SCAPER: variants seen among roughly 807,000 people sequenced by gnomAD.
The protein encoded by SCAPER is S phase cyclin A-associated protein in the endoplasmic reticulum.
SCAPER carries 98 observed loss-of-function variants against 182.2 expected under a neutral mutation model. The observed-to-expected ratio is 0.54, with a 90% CI of 0.46 to 0.64. The LOEUF is 0.64. Among genes scored for constraint, SCAPER ranks in the 30% least tolerant of loss-of-function variants. The probability of loss-of-function intolerance (pLI) is 0.00; values close to 1 mark genes in which losing one functional copy is unlikely to be tolerated. For synonymous variants in SCAPER, 605 were observed against 564.6 expected, an observed-to-expected ratio of 1.07 and a Z score of -1.01; for missense variants, 1,432 against 1,690.0, an observed-to-expected ratio of 0.85 and a Z score of 2.68.
At chr15:76,536,939 C>T (rs2044220621) in intron 23 of SCAPER, among the ~76,000 whole-genome samples, 1 of 151,276 alleles carries the variant, frequency 6.6e-6, no homozygotes, top group African/African-American at 2.4e-5. Flanking sequence ...AAACAGAGAG[C>T]CAAATCATGA....
At chr15:76,661,248 C>T (rs1017137523) in intron 21 of SCAPER, among the ~76,000 whole-genome samples, 1 of 152,054 alleles carries the variant, frequency 6.6e-6, no homozygotes, top group African/African-American at 2.4e-5. Context: ...AGAGGCAGTA[C>T]CTTTCAGGAT....
At chr15:76,698,522 C>T (rs2058767551) in intron 20 of SCAPER, among the ~76,000 whole-genome samples, 1 of 152,058 alleles carries the variant, frequency 6.6e-6, no homozygotes, top group South Asian at 2.1e-4. Context: ...ACTATGATGC[C>T]TAAAAAAATG....
At chr15:76,396,019 G>A (rs999206586) in intron 27 of SCAPER, among the ~76,000 whole-genome samples, 1 of 152,168 alleles carries the variant, frequency 6.6e-6, no homozygotes, top group Admixed American at 6.5e-5. Context: ...TGTATATGGT[G>A]AGAGACAGGG....
intron 21 of SCAPER, among the ~76,000 whole-genome samples, chr15:76,623,194 T>C (rs141750779): frequency 3.0e-4 from 46 of 152,314 alleles, no homozygotes; most frequent in African/African-American, 1.1e-3. Flanking sequence ...TCCCATTCTG[T>C]AGGTTATCTG....
At chr15:76,417,888 C>T (rs1245773115) in intron 26 of SCAPER, among the ~76,000 whole-genome samples, 7 of 151,952 alleles carry the variant, frequency 4.6e-5, no homozygotes, top group Non-Finnish European at 7.4e-5. Flanking sequence ...CGTGGTGGTG[C>T]GCGCCTATAG....
chr15:76,365,494 C>T (rs913764735), intron 29 of SCAPER, among the ~76,000 whole-genome samples: 10 of 152,192 alleles, frequency 6.6e-5, no homozygotes, highest in Admixed American at 5.9e-4. Context: ...AAAGACTTGG[C>T]TAAGCTAAAA....
intron 20 of SCAPER, among the ~76,000 whole-genome samples, chr15:76,671,697 G>A (rs900992853): frequency 1.3e-5 from 2 of 151,996 alleles, no homozygotes; most frequent in Admixed American, 6.6e-5. Flanking sequence ...GTGAACCCGG[G>A]AGGCGGAGCT....
chr15:76,555,893 T>C (rs547185928), intron 23 of SCAPER, among the ~76,000 whole-genome samples: 3 of 152,274 alleles, frequency 2.0e-5, no homozygotes, highest in South Asian at 4.1e-4. Flanking sequence ...CTAATAGACA[T>C]GAACAGAACT....
chr15:76,840,417 CAAA>C (rs35131345), intron 5 of SCAPER, among the ~76,000 whole-genome samples: 24 of 103,254 alleles, frequency 2.3e-4, no homozygotes, highest in Non-Finnish European at 2.8e-4. Context: ...AGACCTGCCT[CAAA>C]AAAAAAAAAA....
At chr15:76,755,356 C>T (rs1598532457) in intron 14 of SCAPER, among the ~76,000 whole-genome samples, 2 of 152,170 alleles carry the variant, frequency 1.3e-5, no homozygotes, top group Non-Finnish European at 2.9e-5. Context: ...CTACTGTATT[C>T]AACAGAATCG....
At chr15:76,705,030 G>C (rs943861304) in intron 18 of SCAPER, among the ~76,000 whole-genome samples, 7 of 152,108 alleles carry the variant, frequency 4.6e-5, no homozygotes, top group African/African-American at 1.7e-4. Flanking sequence ...ATTTGACCCA[G>C]CCATCCCATT....
chr15:76,445,809 C>A (rs1175191412), intron 25 of SCAPER, among the ~76,000 whole-genome samples: 1 of 152,116 alleles, frequency 6.6e-6, no homozygotes, highest in Non-Finnish European at 1.5e-5. Context: ...TCTCCATGCA[C>A]CCCGGGTGGA....
At chr15:76,508,769 A>C (rs974063699) in intron 23 of SCAPER, among the ~76,000 whole-genome samples, 1 of 152,152 alleles carries the variant, frequency 6.6e-6, no homozygotes, top group African/African-American at 2.4e-5. Flanking sequence ...AAACTTGACA[A>C]ATGCTTATCA....
intron 23 of SCAPER, among the ~76,000 whole-genome samples, chr15:76,543,877 G>C (rs1268416250): frequency 1.3e-5 from 2 of 152,082 alleles, no homozygotes; most frequent in African/African-American, 2.4e-5. Context: ...TTGCTTCAAA[G>C]ACATCATCAA....
chr15:76,364,744 C>T (rs2041692930), intron 29 of SCAPER, among the ~76,000 whole-genome samples: 1 of 152,122 alleles, frequency 6.6e-6, no homozygotes, highest in Non-Finnish European at 1.5e-5. Flanking sequence ...TGCTCACCTA[C>T]CATTCTCCAT....
At chr15:76,460,808 G>T in intron 25 of SCAPER, among the ~76,000 whole-genome samples, 1 of 151,990 alleles carries the variant, frequency 6.6e-6, no homozygotes, top group East Asian at 1.9e-4. Context: ...CCCATCTAGT[G>T]AATTTTTAAC....
In SCAPER at chr15:76,774,900, T is replaced by G; in HGVS notation, c.990A>C (p.Lys330Asn). 1 of 1,613,648 alleles carries G rather than the reference T, an allele frequency of 6.2e-7. No individual in the cohort carries two copies. Among genetic ancestry groups the G allele is most frequent in the Non-Finnish European group, 8.5e-7 (1 of 1,179,694 alleles). The change falls in exon 9 of 32, where the codon AAA becomes AAC. Residue 330 changes from lysine to asparagine, a missense_variant. Physicochemically the swap from Lys to Asn is moderately conservative, Grantham distance 94 (BLOSUM62 0). This residue lies in a region of SCAPER where 480 missense variants were observed against 510.2 expected (regional missense o/e 0.94). Transcript: ENST00000563290. ...GTSNTIESHP[K>N]DSLHSCDHPL... The stretch of plus-strand genomic sequence containing the variant: ...GATGGTCACAAGAGTGTAATGAGTC[T>G]TTGGGATGAGATTCTATAGTATTAG...
At chr15:76,508,771 T>C (rs1217692095) in intron 23 of SCAPER, among the ~76,000 whole-genome samples, 1 of 152,152 alleles carries the variant, frequency 6.6e-6, no homozygotes, top group Non-Finnish European at 1.5e-5. Flanking sequence ...ACTTGACAAA[T>C]GCTTATCAAG....
intron 25 of SCAPER, among the ~76,000 whole-genome samples, chr15:76,443,188 A>T (rs1300620663): frequency 6.6e-6 from 1 of 152,214 alleles, no homozygotes; most frequent in Non-Finnish European, 1.5e-5. Context: ...TTAATATAAG[A>T]GGTCTTCAAA....
Sources: allele counts gnomAD v4.1 joint callset (sites outside exome capture counted in the v4.1 genomes callset), GRCh38; gene constraint gnomAD v4.1.1; regional missense constraint gnomAD v4.1.1; transcripts MANE v1.5; gene names NCBI Gene and HGNC (gene_info 2026-07-23, HGNC 2026-07-21).